MTERF4: variants seen among roughly 807,000 people sequenced by gnomAD.
MTERF4 encodes the protein mitochondrial transcription termination factor 4.
In MTERF4, 17 loss-of-function variants were observed where a neutral mutation model predicts 22.5. The ratio of observed to expected loss-of-function variants is 0.75; its 90% confidence interval spans 0.52 to 1.13. MTERF4 has a LOEUF of 1.13. MTERF4 is among the 50% of genes most tolerant of loss of function. MTERF4 has a pLI of 0.00. For missense variants in MTERF4, 420 were observed against 466.8 expected (o/e 0.90, Z 0.92); for synonymous variants, 165 against 175.3 (o/e 0.94, Z 0.47).
chr2:241,053,810 T>C, the MTERF4 span, among the ~76,000 whole-genome samples: 1 of 151,888 alleles, frequency 6.6e-6, no homozygotes, highest in Non-Finnish European at 1.5e-5. Context: ...GAGCTGGGAG[T>C]GCACAGCCTA....
the MTERF4 span, among the ~76,000 whole-genome samples, chr2:241,053,817 C>T: frequency 1.3e-5 from 2 of 152,190 alleles, no homozygotes; most frequent in Non-Finnish European, 2.9e-5. Flanking sequence ...GAGTGCACAG[C>T]CTAGAGACAA....
chr2:241,060,129 A>G, the MTERF4 span, among the ~76,000 whole-genome samples: 2 of 152,360 alleles, frequency 1.3e-5, no homozygotes, highest in African/African-American at 2.4e-5. Context: ...AAAACATGAT[A>G]AATTTTTAAA....
chr2:241,050,830 G>C, the MTERF4 span, among the ~76,000 whole-genome samples: 9 of 152,066 alleles, frequency 5.9e-5, no homozygotes, highest in South Asian at 2.1e-4. Flanking sequence ...TGTACCCAAG[G>C]TGGGGGTCCT....
intron 4 of MTERF4, among the ~76,000 whole-genome samples, chr2:241,077,243 C>T (rs773921022): frequency 1.2e-4 from 18 of 152,154 alleles, no homozygotes; most frequent in African/African-American, 1.2e-4. Context: ...CCGGAGCCCT[C>T]GTACCATATA....
At chr2:241,078,445 A>G (rs1196513630) in intron 4 of MTERF4, among the ~76,000 whole-genome samples, 2 of 151,806 alleles carry the variant, frequency 1.3e-5, no homozygotes, top group Admixed American at 6.6e-5. Flanking sequence ...TATCCACTCA[A>G]TGGAACACGA....
the MTERF4 span, among the ~76,000 whole-genome samples, chr2:241,047,675 C>G: frequency 1.3e-5 from 2 of 152,264 alleles, no homozygotes; most frequent in Non-Finnish European, 2.9e-5. Flanking sequence ...GGATGCCTGA[C>G]CAGAAACGTT....
intron 1 of MTERF4, among the ~76,000 whole-genome samples, chr2:241,101,982 G>T (rs2064729890): frequency 6.6e-6 from 1 of 152,170 alleles, no homozygotes; most frequent in Admixed American, 6.5e-5. Flanking sequence ...GAACCCGGGA[G>T]GCGGAGGTTG....
chr2:241,081,679 G>T (rs377131444), intron 4 of MTERF4: 22 of 1,597,954 alleles, frequency 1.4e-5, no homozygotes, highest in Non-Finnish European at 1.9e-5. Context: ...GTTTCCAGAC[G>T]TCCCTGGCAA....
chr2:241,057,660 G>A, the MTERF4 span, among the ~76,000 whole-genome samples: 1 of 151,608 alleles, frequency 6.6e-6, no homozygotes, highest in Non-Finnish European at 1.5e-5. Context: ...CTCCAGCCTG[G>A]GTGACAGCAA....
At chr2:241,082,416 T>A, downstream of MTERF4, 1 of 1,407,258 alleles carries the variant, frequency 7.1e-7, no homozygotes, top group Non-Finnish European at 1.0e-6. Flanking sequence ...TGTTCTTGAC[T>A]CCTCAAAGTG....
At chr2:241,080,783 C>T (rs1365550133) in intron 4 of MTERF4, among the ~76,000 whole-genome samples, 5 of 152,230 alleles carry the variant, frequency 3.3e-5, no homozygotes, top group Admixed American at 3.3e-4. Flanking sequence ...TTGCTGAGGA[C>T]CAACTCGGTC....
At chr2:241,102,038 C>G in intron 1 of MTERF4, 1 of 578,456 alleles carries the variant, frequency 1.7e-6, no homozygotes, top group Admixed American at 3.6e-5. Context: ...GGAGACAGAG[C>G]GAGACTTTGT....
chr2:241,087,466 C>A (rs780746868), downstream of MTERF4: 2 of 1,602,250 alleles, frequency 1.2e-6, no homozygotes, highest in African/African-American at 1.3e-5. Flanking sequence ...CTCAAGAAGA[C>A]CCCAAACAGG....
At chr2:241,045,183 T>C in the MTERF4 span, among the ~76,000 whole-genome samples, 7 of 152,360 alleles carry the variant, frequency 4.6e-5, no homozygotes, top group East Asian at 1.3e-3. Flanking sequence ...AGACATACCA[T>C]GTTCATGGAT....
At chr2:241,068,259 CA>C (rs1423053427), downstream of MTERF4, among the ~76,000 whole-genome samples, 2 of 151,892 alleles carry the variant, frequency 1.3e-5, no homozygotes, top group African/African-American at 4.9e-5. This position sits in a 1 kb window ranked among gnomAD's most constrained non-coding sequence, Gnocchi z 5.3. Context: ...CTTGGCCCCT[CA>C]GAGAGCAGCG....
chr2:241,096,426 T>C lies in MTERF4; in HGVS notation c.718A>G (p.Arg240Gly), dbSNP rs1273552514. 6.2e-7 allele frequency: 1 copy of C among 1,613,958 alleles called. No homozygotes were observed. Among genetic ancestry groups the C allele is most frequent in the South Asian group, 1.1e-5 (1 of 91,086 alleles). The change falls in exon 4 of 4, where the codon AGG becomes GGG. Residue 240 changes from arginine to glycine, a missense_variant. Arg to Gly is a moderately radical substitution (Grantham distance 125). Coordinates refer to ENST00000391980, the MANE Select transcript of MTERF4 (RefSeq NM_182501.4). The surrounding 1 kb of genome is among the most constrained non-coding windows in gnomAD (Gnocchi z 5.1). The part of the protein sequence containing the change: ...LEYKFQYAYF[R>G]MGIKHPDIVK... The stretch of plus-strand genomic sequence containing the variant: ...ATGTCTGGATGCTTAATTCCCATCC[T>C]GAAGTATGCATACTGGAAGACACAA...
rs893690554 is a variant in MTERF4, at chr2:241,073,579, G to A, written n.2583C>T. 1 of 601,028 alleles carries A rather than the reference G, an allele frequency of 1.7e-6. No individual in the cohort carries two copies. Among genetic ancestry groups the A allele is most frequent in the South Asian group, 2.0e-5 (1 of 49,972 alleles). 37.2% of individuals were successfully genotyped at this position (601,028 alleles called of 1,614,324 possible). ...CCCACAGACGGGAACAGGCCAGGGG[G>A]CAGGACCCACCCAAACCACCCAGAG... On this transcript the variant is annotated non_coding_transcript_exon_variant, in exon 5 of 5. Transcript: ENST00000464344. This position sits in a 1 kb window ranked among gnomAD's most constrained non-coding sequence, Gnocchi z 6.6.
Position 241,096,082 on chromosome 2 carries a change from A to ATCCTCATCATTGTCC in MTERF4, c.1047_1061dup (p.Glu349_Glu353dup), listed in dbSNP as rs777198407. 1.9e-6 allele frequency: 3 copies of ATCCTCATCATTGTCC among 1,611,798 alleles called. No homozygotes were observed. The highest frequency in any genetic ancestry group is 1.3e-5 in the African/African-American group (1 of 74,362). ...CATCATCGTCATCCTCATCATTGTC[A>ATCCTCATCATTGTCC]TCCTCATCATTGTCCTCCTCATCAT... On this transcript the variant is annotated inframe_insertion, in exon 4 of 4. Transcript: ENST00000391980. The surrounding 1 kb of genome is among the most constrained non-coding windows in gnomAD (Gnocchi z 5.1).
intron 4 of MTERF4, chr2:241,081,634 C>A: frequency 4.9e-6 from 7 of 1,427,550 alleles, no homozygotes; most frequent in Non-Finnish European, 6.8e-6. Context: ...GCAGGCCTGT[C>A]CTGGGGTTCC....
Sources: allele counts gnomAD v4.1 joint callset (sites outside exome capture counted in the v4.1 genomes callset), GRCh38; gene constraint gnomAD v4.1.1; non-coding constraint Gnocchi (gnomAD v3.1); transcripts MANE v1.5; gene names NCBI Gene and HGNC (gene_info 2026-07-23, HGNC 2026-07-21).